UBAP1: variants seen among roughly 807,000 people sequenced by gnomAD.
UBAP1 encodes ubiquitin-associated protein 1.
In UBAP1, 5 loss-of-function variants were observed where a neutral mutation model predicts 39.0. The ratio of observed to expected loss-of-function variants is 0.13; its 90% CI spans 0.07 to 0.27. The LOEUF is 0.27. Ranked by LOEUF, UBAP1 falls within the 10% of genes least tolerant of loss-of-function variation. The pLI is 1.00. For missense variants in UBAP1, 490 were observed against 608.1 expected (o/e 0.81, Z 2.04); for synonymous variants, 211 against 225.1 (o/e 0.94, Z 0.56).
intron 1 of UBAP1, among the ~76,000 whole-genome samples, chr9:34,204,748 T>C (rs1471164104): frequency 6.6e-6 from 1 of 150,744 alleles, no homozygotes; most frequent in Non-Finnish European, 1.5e-5. Flanking sequence ...CAGGTGCTCT[T>C]GTCTTTCTTG....
At chr9:34,199,119 GCT>G (rs945942156) in intron 1 of UBAP1, among the ~76,000 whole-genome samples, 2 of 152,126 alleles carry the variant, frequency 1.3e-5, no homozygotes, top group African/African-American at 4.8e-5. Flanking sequence ...TGTCGCGCAG[GCT>G]GGAGTGCAGT....
intron 1 of UBAP1, among the ~76,000 whole-genome samples, chr9:34,184,483 T>C (rs1830270231): frequency 6.6e-6 from 1 of 151,008 alleles, no homozygotes; most frequent in Non-Finnish European, 1.5e-5. Flanking sequence ...TAGAAAAAAT[T>C]AGCCGGGCCT....
chr9:34,246,166 A>G (rs1193323696), intron 4 of UBAP1, among the ~76,000 whole-genome samples: 1 of 152,156 alleles, frequency 6.6e-6, no homozygotes, highest in Non-Finnish European at 1.5e-5. Context: ...TCCTGGGCTC[A>G]AGTGATCCTC....
intron 3 of UBAP1, among the ~76,000 whole-genome samples, chr9:34,237,277 A>T (rs1159852235): frequency 6.6e-6 from 1 of 152,210 alleles, no homozygotes; most frequent in Non-Finnish European, 1.5e-5. Context: ...CAAGGTACTT[A>T]CAGTTGAGAG....
chr9:34,207,048 C>T (rs1278122245), intron 1 of UBAP1, among the ~76,000 whole-genome samples: 80 of 89,970 alleles, frequency 8.9e-4, no homozygotes, highest in Admixed American at 1.5e-3. Flanking sequence ...ATTGTTATTT[C>T]TTTTTTTTTT....
intron 1 of UBAP1, among the ~76,000 whole-genome samples, chr9:34,202,292 C>T (rs570369680): frequency 3.3e-5 from 5 of 152,090 alleles, no homozygotes; most frequent in South Asian, 4.1e-4. Flanking sequence ...CCACCACGCC[C>T]GGCTAATTTT....
At chr9:34,225,120 A>G (rs534877611) in intron 2 of UBAP1, among the ~76,000 whole-genome samples, 134 of 152,290 alleles carry the variant, frequency 8.8e-4, no homozygotes, top group African/African-American at 3.0e-3. Context: ...TATCTGACTG[A>G]TCCATTGAGA....
chr9:34,231,727 C>G (rs763511691), intron 2 of UBAP1, among the ~76,000 whole-genome samples: 1 of 151,878 alleles, frequency 6.6e-6, no homozygotes, highest in Non-Finnish European at 1.5e-5. Context: ...TCACTGCAAG[C>G]TCCGCCTCCC....
chr9:34,242,454 A>G (rs1461831769), intron 4 of UBAP1, among the ~76,000 whole-genome samples: 2 of 152,058 alleles, frequency 1.3e-5, no homozygotes, highest in Admixed American at 1.3e-4. Context: ...GGCAGTACAG[A>G]ACAACACATT....
At chr9:34,213,509 T>TCAAAAA (rs1832129963) in intron 1 of UBAP1, among the ~76,000 whole-genome samples, 1 of 151,912 alleles carries the variant, frequency 6.6e-6, no homozygotes, top group Non-Finnish European at 1.5e-5. Context: ...AGACTCTGTC[T>TCAAAAA]CAAAAACAAA....
rs537157149 is a variant in UBAP1 at position 34,196,602 on chromosome 9, G to A, written c.-8+17362G>A. Among the ~76,000 whole-genome samples, 18 of 151,530 alleles carry A rather than the reference G, an allele frequency of 1.2e-4. No individual in the cohort carries two copies. The South Asian group carries it at 2.9e-3, about 25-fold the overall frequency. ...AAAGTGCTGGGATTACGGCCACGGC[G>A]CCCAGCCTAAATAATTTTTTTTAAT... On this transcript the variant is annotated intron_variant, in intron 1 of 6. Transcript: ENST00000297661.
At chr9:34,189,502 T>C (rs1332809311) in intron 1 of UBAP1, among the ~76,000 whole-genome samples, 1 of 151,928 alleles carries the variant, frequency 6.6e-6, no homozygotes, top group Admixed American at 6.6e-5. Flanking sequence ...CATTATGTCT[T>C]ATAGGATACC....
Position 34,179,045 on chromosome 9 carries a change from GA to G in UBAP1, c.-201del. 1 of 1,267,162 alleles carries G rather than the reference GA, an allele frequency of 7.9e-7. No homozygotes were observed. The highest frequency in any genetic ancestry group is 1.0e-6 in the Non-Finnish European group (1 of 1,004,038). The allele number at this position is 1,267,162 out of a possible 1,614,324, so 78.5% of individuals were successfully genotyped here. ...TGGGGCGGTGAGGGGAAGGAGGAGG[GA>G]AGTAGGACTTCAACATGGCGGCTGC... On this transcript the variant is annotated 5_prime_UTR_variant, in exon 1 of 7. Coordinates refer to ENST00000297661, the MANE Select transcript of UBAP1 (RefSeq NM_016525.5).
chr9:34,185,772 G>T (rs1324840366), intron 1 of UBAP1, among the ~76,000 whole-genome samples: 1 of 152,146 alleles, frequency 6.6e-6, no homozygotes, highest in Non-Finnish European at 1.5e-5. Context: ...CTTGAACCTG[G>T]GAGGCGGTGG....
At chr9:34,242,706 G>A (rs1399872013) in intron 4 of UBAP1, among the ~76,000 whole-genome samples, 1 of 152,020 alleles carries the variant, frequency 6.6e-6, no homozygotes, top group Non-Finnish European at 1.5e-5. Context: ...TGTATTTTTA[G>A]TAGAGACGGG....
upstream of UBAP1, chr9:34,179,012 C>G: frequency 8.0e-7 from 1 of 1,257,378 alleles, no homozygotes; most frequent in Non-Finnish European, 1.0e-6. Context: ...GTCAGACGCC[C>G]AAATGAGTGG....
chr9:34,222,121 C>CA (rs1175068469), intron 2 of UBAP1, among the ~76,000 whole-genome samples: 2 of 151,592 alleles, frequency 1.3e-5, no homozygotes, highest in African/African-American at 2.4e-5. Context: ...GACCCTGACT[C>CA]AAACAAAAAA....
intron 1 of UBAP1, among the ~76,000 whole-genome samples, chr9:34,182,436 C>T (rs1359599087): frequency 6.6e-6 from 1 of 151,588 alleles, no homozygotes; most frequent in African/African-American, 2.4e-5. Flanking sequence ...CTACCCGCCT[C>T]GGCCTCCCAA....
At chr9:34,195,786 G>A (rs1029171098) in intron 1 of UBAP1, among the ~76,000 whole-genome samples, 2 of 151,462 alleles carry the variant, frequency 1.3e-5, no homozygotes, top group African/African-American at 2.4e-5. Context: ...TAGTAGAGAC[G>A]GGGTTTCTCC....
Sources: gnomAD v4.1 joint callset for allele counts (sites outside exome capture counted in the v4.1 genomes callset) on GRCh38, gnomAD v4.1.1 for gene constraint, MANE v1.5 for transcripts, NCBI Gene and HGNC (gene_info 2026-07-23, HGNC 2026-07-21) for gene names.